Variants in WWOX observed in about 807,000 individuals in gnomAD.
WWOX encodes the protein WW domain containing oxidoreductase, also known as WW domain-containing oxidoreductase.
A neutral mutation model predicts 46.2 loss-of-function variants in WWOX; 69 were observed. The observed-to-expected ratio is 1.49, with a 90% confidence interval of 1.23 to 1.82. The LOEUF (loss-of-function observed/expected upper bound fraction) is 1.82. Among genes scored for constraint, WWOX ranks in the 40% most tolerant of loss-of-function variants. The probability of loss-of-function intolerance (pLI) is 0.00; values close to 1 mark genes in which losing one functional copy is unlikely to be tolerated. For missense variants in WWOX, 919 were observed against 542.6 expected, an observed-to-expected ratio of 1.69 and a Z score of -6.89; for synonymous variants, 359 against 202.6, an observed-to-expected ratio of 1.77 and a Z score of -6.56.
intron 5 of WWOX, among the ~76,000 whole-genome samples, chr16:78,220,831 A>T (rs1278584858): frequency 6.6e-6 from 1 of 152,184 alleles, no homozygotes; most frequent in Admixed American, 6.5e-5. Flanking sequence ...ACAGAGAAAC[A>T]TGCCCATCAT....
At chr16:79,095,568 A>C (rs762637046) in intron 8 of WWOX, among the ~76,000 whole-genome samples, 4 of 152,172 alleles carry the variant, frequency 2.6e-5, no homozygotes, top group Non-Finnish European at 4.4e-5. Flanking sequence ...CATTGCATAA[A>C]TAATAAAACA....
At chr16:78,870,350 C>G (rs967544913) in intron 8 of WWOX, among the ~76,000 whole-genome samples, 1 of 152,110 alleles carries the variant, frequency 6.6e-6, no homozygotes, top group African/African-American at 2.4e-5. Flanking sequence ...ACTTTAGAAT[C>G]ACAAGGTCCA....
intron 8 of WWOX, among the ~76,000 whole-genome samples, chr16:79,073,610 C>T (rs2048593403): frequency 6.6e-6 from 1 of 152,192 alleles, no homozygotes; most frequent in Non-Finnish European, 1.5e-5. Flanking sequence ...CTTCAAATGT[C>T]TGTTCTCCCT....
At position 78,849,689 on chromosome 16, in the gene WWOX, T is replaced by A. The variant is rs559348036; in HGVS notation, c.1057-361919T>A. Among the ~76,000 whole-genome samples, 20 of 151,994 alleles carry A rather than the reference T, an allele frequency of 1.3e-4. No individual in the cohort carries two copies. The South Asian group carries it at 4.2e-3, about 32-fold the overall frequency. On this transcript the variant is annotated intron_variant, in intron 8 of 8. Coordinates refer to ENST00000566780, the MANE Select transcript of WWOX (RefSeq NM_016373.4). ...ACAAAACACAGTATGGTTGTTTCCC[T>A]CCCTAGACTAGATTTCTAATCTTGA...
At chr16:78,110,951 A>G (rs1278285350) in intron 3 of WWOX, among the ~76,000 whole-genome samples, 1 of 152,246 alleles carries the variant, frequency 6.6e-6, no homozygotes. Flanking sequence ...AGAAGCTTGA[A>G]TAGTCTTTGA....
At chr16:78,776,270 G>C (rs540253661) in intron 8 of WWOX, among the ~76,000 whole-genome samples, 1 of 152,262 alleles carries the variant, frequency 6.6e-6, no homozygotes, top group Non-Finnish European at 1.5e-5. Flanking sequence ...GGCTTGGCTC[G>C]GTGGTTGGGA....
At chr16:78,238,868 C>T (rs1225799454) in intron 5 of WWOX, among the ~76,000 whole-genome samples, 1 of 142,640 alleles carries the variant, frequency 7.0e-6, no homozygotes, top group Admixed American at 7.5e-5. Flanking sequence ...ATCTGCCCAC[C>T]TTGGCCTCCC....
intron 8 of WWOX, among the ~76,000 whole-genome samples, chr16:78,858,028 A>G (rs779701622): frequency 6.6e-6 from 1 of 152,174 alleles, no homozygotes; most frequent in Non-Finnish European, 1.5e-5. Context: ...TTCTAAATTG[A>G]TATTAATAAA....
chr16:79,015,095 C>T (rs1168697951), intron 8 of WWOX, among the ~76,000 whole-genome samples: 7 of 152,148 alleles, frequency 4.6e-5, no homozygotes, highest in South Asian at 4.1e-4. Context: ...TTGGATGTGT[C>T]GGGGGCCACA....
At chr16:78,874,607 T>A (rs1283631241) in intron 8 of WWOX, among the ~76,000 whole-genome samples, 1 of 151,790 alleles carries the variant, frequency 6.6e-6, no homozygotes, top group Non-Finnish European at 1.5e-5. Context: ...GGCAAGTGAC[T>A]TAAAGACATG....
At chr16:78,534,277 A>C (rs2043702251) in intron 8 of WWOX, 1 of 152,250 alleles carries the variant, frequency 6.6e-6, no homozygotes, top group Non-Finnish European at 1.5e-5. Flanking sequence ...TATATCATCC[A>C]GTCAGAGTGA....
In WWOX at chr16:78,708,841, C is replaced by G. The variant is rs575528734; in HGVS notation, c.1056+276089C>G. Among the ~76,000 whole-genome samples the G allele has an allele frequency of 1.1e-3, 164 of 152,296 alleles. 1 individual carries two copies. Among genetic ancestry groups the G allele is most frequent in the African/African-American group, 3.8e-3 (156 of 41,560 alleles). On this transcript the variant is annotated intron_variant, in intron 8 of 8. Coordinates refer to ENST00000566780, the MANE Select transcript of WWOX (RefSeq NM_016373.4). ...CATAAAAAAATTATTTTTCACAGCG[C>G]CCAGCAAAGGGCTTGTATGCAAAGG...
At chr16:78,351,049 G>T (rs1301163701) in intron 5 of WWOX, among the ~76,000 whole-genome samples, 1 of 152,212 alleles carries the variant, frequency 6.6e-6, no homozygotes, top group Non-Finnish European at 1.5e-5. Flanking sequence ...TGATGGCTTA[G>T]GATATTGAAC....
rs555277310 is a variant in WWOX at position 78,633,133 on chromosome 16, G to T, written c.1056+200381G>T. 4.6e-5 allele frequency among the ~76,000 whole-genome samples: 7 copies of T among 152,150 alleles called. No homozygotes were observed. In the South Asian group the frequency reaches 1.2e-3, roughly 27 times the overall value. On this transcript the variant is annotated intron_variant, in intron 8 of 8. Transcript: ENST00000566780. ...AAAAATTAGCCGGGTGTGGTGGCGT[G>T]TGCCTGTAATCCCAGTTACTCGGGA...
intron 8 of WWOX, among the ~76,000 whole-genome samples, chr16:78,563,791 A>C (rs2044497467): frequency 6.6e-6 from 1 of 152,112 alleles, no homozygotes; most frequent in African/African-American, 2.4e-5. Flanking sequence ...AAAAATGGCC[A>C]CCAATTCTTC....
chr16:78,660,612 C>G (rs755077611), intron 8 of WWOX, among the ~76,000 whole-genome samples: 3 of 152,072 alleles, frequency 2.0e-5, no homozygotes, highest in African/African-American at 7.2e-5. Context: ...CACCAGCTCC[C>G]TACTCACTTG....
At chr16:78,748,920 C>G (rs1469054998) in intron 8 of WWOX, among the ~76,000 whole-genome samples, 2 of 152,260 alleles carry the variant, frequency 1.3e-5, no homozygotes, top group Non-Finnish European at 2.9e-5. Flanking sequence ...TCTCTTATTT[C>G]TCCTTGCAAT....
At chr16:78,377,660 T>C (rs1383327167) in intron 5 of WWOX, among the ~76,000 whole-genome samples, 1 of 152,212 alleles carries the variant, frequency 6.6e-6, no homozygotes, top group East Asian at 1.9e-4. Context: ...ATATATTGCA[T>C]AGAGGGAAAT....
At chr16:78,719,415 T>G (rs2142348125) in intron 8 of WWOX, among the ~76,000 whole-genome samples, 1 of 152,356 alleles carries the variant, frequency 6.6e-6, no homozygotes, top group African/African-American at 2.4e-5. Context: ...GAAGCTTGCC[T>G]TACAGGCATG....
Sources: allele counts gnomAD v4.1 joint callset (sites outside exome capture counted in the v4.1 genomes callset), GRCh38; gene constraint gnomAD v4.1.1; transcripts MANE v1.5; gene names NCBI Gene and HGNC (gene_info 2026-07-23, HGNC 2026-07-21).